The following GAK variants were observed in gnomAD, a reference collection of about 807,000 sequenced individuals.
The protein encoded by GAK is cyclin-G-associated kinase.
In GAK, 79 loss-of-function variants were observed where a neutral mutation model predicts 143.9. That is an observed-to-expected ratio of 0.55 (90% confidence interval 0.46 to 0.66). GAK has a LOEUF of 0.66. GAK is among the 30% of genes least tolerant of loss of function. The pLI is 0.00. For missense variants in GAK, 1,693 were observed against 1,779.7 expected, an observed-to-expected ratio of 0.95 and a Z score of 0.88; for synonymous variants, 881 against 765.5, an observed-to-expected ratio of 1.15 and a Z score of -2.49.
intron 24 of GAK, chr4:853,679 G>A (rs914727529): frequency 2.0e-4 from 31 of 152,454 alleles, no homozygotes; most frequent in African/African-American, 7.2e-4. Flanking sequence ...CTCCGTGTTC[G>A]GGCCTCCTCC....
At chr4:887,189 C>T (rs982791631) in intron 11 of GAK, 2 of 151,802 alleles carry the variant, frequency 1.3e-5, no homozygotes, top group Admixed American at 6.6e-5. Flanking sequence ...TACACATGCA[C>T]GCGGCTCGCG....
intron 1 of GAK, among the ~76,000 whole-genome samples, chr4:919,664 T>G (rs1427507437): frequency 1.3e-5 from 2 of 152,220 alleles, no homozygotes; most frequent in Non-Finnish European, 2.9e-5. Context: ...CCTTCCCTAA[T>G]GCACCTGCCC....
chr4:904,175 C>T (rs549589108), intron 5 of GAK, among the ~76,000 whole-genome samples: 1 of 150,424 alleles, frequency 6.6e-6, no homozygotes, highest in Non-Finnish European at 1.5e-5. Flanking sequence ...GAGTGGGACC[C>T]GCACACAGAG....
intron 5 of GAK, among the ~76,000 whole-genome samples, chr4:902,604 A>AAAAAAAAAAAAAAAC (rs1720112255): frequency 6.7e-6 from 1 of 149,650 alleles, no homozygotes; most frequent in African/African-American, 2.5e-5. Context: ...CTCAAAAAAA[A>AAAAAAAAAAAAAAAC]AAAAAAAAAA....
chr4:923,702 T>C (rs1054803428), intron 1 of GAK, among the ~76,000 whole-genome samples: 1 of 150,170 alleles, frequency 6.7e-6, no homozygotes, highest in Non-Finnish European at 1.5e-5. Context: ...GGGTGGGGAG[T>C]GGAGGCACAG....
At chr4:856,632 C>CCACAGGTGCTCACACCTGCT (rs1749326255) in intron 24 of GAK, among the ~76,000 whole-genome samples, 1 of 128,854 alleles carries the variant, frequency 7.8e-6, no homozygotes, top group African/African-American at 2.5e-5. Context: ...CACCTGCTCA[C>CCACAGGTGCTCACACCTGCT]CACAGCTGCT....
chr4:857,319 A>C (rs1042244696), intron 24 of GAK, among the ~76,000 whole-genome samples: 3 of 152,196 alleles, frequency 2.0e-5, no homozygotes, highest in Admixed American at 2.0e-4. Flanking sequence ...TCAGGGTGAT[A>C]GTATGAGCTT....
intron 11 of GAK, chr4:884,424 A>G (rs886853510): frequency 1.4e-5 from 4 of 283,426 alleles, no homozygotes; most frequent in Non-Finnish European, 2.7e-5. Context: ...GGATGGCAAC[A>G]CCGGTGGAAG....
chr4:924,652 T>C (rs1724415000), intron 1 of GAK, among the ~76,000 whole-genome samples: 1 of 152,124 alleles, frequency 6.6e-6, no homozygotes. Flanking sequence ...TGACCCTCAA[T>C]GTTGGAGGAG....
intron 18 of GAK, among the ~76,000 whole-genome samples, chr4:876,185 C>T (rs1488793719): frequency 6.6e-6 from 1 of 152,210 alleles, no homozygotes; most frequent in African/African-American, 2.4e-5. Context: ...TGCCCCGCAT[C>T]ATCTCCAGCC....
At position 904,609 on chromosome 4, in the gene GAK, G is replaced by C. The variant is rs568888377; in HGVS notation, c.525+28C>G. 12 of 1,539,632 alleles carry C rather than the reference G, an allele frequency of 7.8e-6. No individual in the cohort carries two copies. In the Admixed American group the frequency reaches 2.0e-4, roughly 26 times the overall value. ...AGTGGGACCCGCACACAGAGGCCTT[G>C]GCAGCCGCGTGTGGAGGGAGCCACT... On this transcript the variant is annotated intron_variant, in intron 5 of 27. Transcript: ENST00000314167.
intron 24 of GAK, among the ~76,000 whole-genome samples, chr4:856,776 A>C (rs139084910): frequency 6.6e-6 from 1 of 152,212 alleles, no homozygotes; most frequent in African/African-American, 2.4e-5. Flanking sequence ...GGGTCTCACT[A>C]TATTGCTCAA....
intron 23 of GAK, among the ~76,000 whole-genome samples, chr4:864,043 A>T (rs1358948638): frequency 6.6e-6 from 1 of 151,682 alleles, no homozygotes; most frequent in Non-Finnish European, 1.5e-5. Flanking sequence ...ACAAACAAAA[A>T]ACCAGACTAC....
intron 27 of GAK, 50 bp from the exon 28 acceptor site, chr4:849,824 G>T: frequency 1.4e-6 from 2 of 1,465,814 alleles, no homozygotes; most frequent in Non-Finnish European, 1.9e-6. Flanking sequence ...GCGGGGGCGG[G>T]CGGGGCAGGA....
chr4:924,940 T>A (rs1724478961), intron 1 of GAK, among the ~76,000 whole-genome samples: 2 of 151,822 alleles, frequency 1.3e-5, no homozygotes, highest in Admixed American at 6.6e-5. Context: ...TGCTCTCCTG[T>A]GAGATCTGAT....
chr4:859,510 A>G (rs1749899746), intron 24 of GAK, 96 bp downstream of exon 24: 1 of 1,598,212 alleles, frequency 6.3e-7, no homozygotes, highest in African/African-American at 1.3e-5. Context: ...GAACAGAGGC[A>G]AAGACTTCAC....
Position 858,702 on chromosome 4 carries a change from C to T in GAK, c.3283+904G>A, listed in dbSNP as rs114909646. Among the ~76,000 whole-genome samples, 1,054 of 152,324 alleles carry T rather than the reference C, an allele frequency of 6.9e-3. 9 individuals are homozygous for T. Among genetic ancestry groups the T allele is most frequent in the African/African-American group, 0.024 (985 of 41,564 alleles). ...ACAGAAGGCACTTCAGATGTGAGCT[C>T]GCAAGAGCAGAGTGAGGACTCAAAG... On this transcript the variant is annotated intron_variant, in intron 24 of 27. Transcript: ENST00000314167.
intron 21 of GAK, 40 bp from the exon 22 acceptor site, chr4:866,574 T>C (rs376955739): frequency 2.5e-6 from 4 of 1,598,298 alleles, no homozygotes; most frequent in Non-Finnish European, 3.4e-6. Flanking sequence ...TCAGCCCGGC[T>C]GCCTGAAGAC....
intron 7 of GAK, 86 bp downstream of exon 7, chr4:896,374 G>A (rs889676183): frequency 1.4e-5 from 13 of 944,230 alleles, no homozygotes; most frequent in South Asian, 4.7e-5. Context: ...GGCCAGTTCC[G>A]AGTGGCAGGT....
Sources: allele counts gnomAD v4.1 joint callset (sites outside exome capture counted in the v4.1 genomes callset), GRCh38; gene constraint gnomAD v4.1.1; transcripts MANE v1.5; gene names NCBI Gene and HGNC (gene_info 2026-07-23, HGNC 2026-07-21).